Variants in ELF1 observed in about 807,000 individuals in gnomAD.
ELF1 encodes ETS-related transcription factor Elf-1.
ELF1 carries 24 observed loss-of-function variants against 59.9 expected under a neutral mutation model. The ratio of observed to expected loss-of-function variants is 0.40; its 90% CI spans 0.29 to 0.56. The LOEUF (loss-of-function observed/expected upper bound fraction) is 0.56, where lower values mean the gene tolerates loss of function less well. Ranked by LOEUF, ELF1 falls within the 20% of genes least tolerant of loss-of-function variation. ELF1 has a pLI of 0.44. For missense variants in ELF1, 627 were observed against 742.2 expected, an observed-to-expected ratio of 0.84 and a Z score of 1.80; for synonymous variants, 248 against 266.2, an observed-to-expected ratio of 0.93 and a Z score of 0.67.
At chr13:41,043,972 A>G (rs928509872) in intron 1 of ELF1, among the ~76,000 whole-genome samples, 8 of 151,982 alleles carry the variant, frequency 5.3e-5, no homozygotes, top group Non-Finnish European at 1.0e-4. Context: ...CTTTTATTTC[A>G]TTGAGCAGTG....
At chr13:41,040,545 T>G (rs2138419518) in intron 1 of ELF1, among the ~76,000 whole-genome samples, 1 of 152,226 alleles carries the variant, frequency 6.6e-6, no homozygotes, top group East Asian at 1.9e-4. Context: ...AGGATGGTTT[T>G]GGGATGAAAC....
At chr13:41,004,246 T>TA (rs1874622185) in intron 1 of ELF1, among the ~76,000 whole-genome samples, 1 of 151,878 alleles carries the variant, frequency 6.6e-6, no homozygotes, top group South Asian at 2.1e-4. Flanking sequence ...GAGGGGTAAA[T>TA]ACCTGTGAGA....
At chr13:40,987,584 C>CAAAA (rs374604821) in intron 1 of ELF1, among the ~76,000 whole-genome samples, 2 of 68,352 alleles carry the variant, frequency 2.9e-5, no homozygotes, top group East Asian at 3.1e-4. Context: ...GACTCTGTCT[C>CAAAA]AAAAAAAAAA....
At chr13:40,955,955 G>A (rs1871381693) in intron 3 of ELF1, among the ~76,000 whole-genome samples, 2 of 116,966 alleles carry the variant, frequency 1.7e-5, no homozygotes, top group African/African-American at 6.9e-5. Context: ...AGGCGGGGGG[G>A]TCAGCCCCCC....
At chr13:40,965,321 T>C (rs1872107438) in intron 2 of ELF1, among the ~76,000 whole-genome samples, 1 of 152,168 alleles carries the variant, frequency 6.6e-6, no homozygotes, top group South Asian at 2.1e-4. Flanking sequence ...GTTACCTACT[T>C]TTAAGAAATG....
Position 41,026,002 on chromosome 13 carries a change from A to G in ELF1, c.-229+34836T>C, listed in dbSNP as rs150331761. On this transcript the variant is annotated intron_variant, in intron 1 of 1. Transcript: ENST00000405737. ...ATACCTTCACTGTCCTAACTCAGGG[A>G]TATATCAACCCCCTAGACCTATGTT... Among the ~76,000 whole-genome samples the G allele has an allele frequency of 2.8e-3, 428 of 152,326 alleles. 2 individuals carry two copies. The highest frequency in any genetic ancestry group is 9.8e-3 in the African/African-American group (407 of 41,582).
chr13:40,940,985 CCTCT>C lies in ELF1; in HGVS notation c.1188_1191del (p.Gly398LysfsTer13). On this transcript the variant is annotated frameshift_variant, in exon 8 of 9. Coordinates refer to ENST00000239882, the MANE Select transcript of ELF1 (RefSeq NM_172373.4). LOFTEE classifies it high-confidence loss of function. Reference sequence around the variant, plus strand: ...ATGGTACTGGTTCTAGCTGCTTCTCCCTCTGGGACAGCCTGTACTGGCTGTACTA... The same window carrying C: ...ATGGTACTGGTTCTAGCTGCTTCTCCGGGACAGCCTGTACTGGCTGTACTA... 6.2e-7 allele frequency: 1 copy of C among 1,614,150 alleles called. No homozygotes were observed. The highest frequency in any genetic ancestry group is 1.1e-5 in the South Asian group (1 of 91,068).
intron 2 of ELF1, among the ~76,000 whole-genome samples, chr13:40,965,868 A>G (rs1175559803): frequency 6.6e-6 from 1 of 152,206 alleles, no homozygotes; most frequent in African/African-American, 2.4e-5. Flanking sequence ...AAGAATATCA[A>G]TATTTGACCC....
chr13:40,983,505 CAAAAT>C (rs1213432586), intron 1 of ELF1, among the ~76,000 whole-genome samples: 1 of 152,146 alleles, frequency 6.6e-6, no homozygotes, highest in African/African-American at 2.4e-5. Context: ...AGCAAGAACT[CAAAAT>C]AAAATAAGAA....
At chr13:40,934,645 C>T (rs1869645935) in intron 8 of ELF1, among the ~76,000 whole-genome samples, 1 of 151,974 alleles carries the variant, frequency 6.6e-6, no homozygotes, top group Non-Finnish European at 1.5e-5. Flanking sequence ...GTCTCAAAGT[C>T]CTGACCTCAG....
chr13:40,994,735 C>T (rs1874045419), intron 1 of ELF1, among the ~76,000 whole-genome samples: 3 of 152,186 alleles, frequency 2.0e-5, no homozygotes, highest in South Asian at 2.1e-4. Context: ...CATGCTAAAA[C>T]GTCTTTATCA....
chr13:40,951,377 G>A lies in ELF1; in HGVS notation c.313C>T (p.Leu105Phe). The A allele has an allele frequency of 6.2e-7, 1 of 1,613,832 alleles. No individual in the cohort carries two copies. The highest frequency in any genetic ancestry group is 8.5e-7 in the Non-Finnish European group (1 of 1,179,872). ...GGGCCAGGGGAATCCATATTGAGGA[G>A]TGCCTCAGCAGCCTCAATAGTTTCA... is the stretch of plus-strand genomic sequence containing the variant. ...TIETIEAAEA[L>F]LNMDSPGPML... Residue 105 changes from leucine to phenylalanine, a missense_variant, in exon 4 of 9, where the codon CTC becomes TTC. Leu to Phe is a conservative substitution (Grantham distance 22). Around this residue, in one of 3 missense-constraint regions of ELF1, gnomAD observed 232 missense variants for 269.2 expected, o/e 0.86. Coordinates refer to ENST00000239882, the MANE Select transcript of ELF1 (RefSeq NM_172373.4).
intron 3 of ELF1, among the ~76,000 whole-genome samples, chr13:40,952,308 C>G (rs969493195): frequency 1.3e-5 from 2 of 151,566 alleles, no homozygotes; most frequent in Non-Finnish European, 2.9e-5. Context: ...ATTTTGATGA[C>G]AGCTCAAAAT....
chr13:40,974,711 G>A (rs942670710), intron 2 of ELF1, among the ~76,000 whole-genome samples: 1 of 152,102 alleles, frequency 6.6e-6, no homozygotes, highest in Admixed American at 6.5e-5. Flanking sequence ...GATGGCTAGG[G>A]GGCAGTTAAA....
At chr13:41,058,262 T>C (rs967733498) in intron 1 of ELF1, among the ~76,000 whole-genome samples, 3 of 152,212 alleles carry the variant, frequency 2.0e-5, no homozygotes, top group Non-Finnish European at 2.9e-5. Flanking sequence ...TGATCTCCCA[T>C]GGCCCTCCCT....
intron 1 of ELF1, among the ~76,000 whole-genome samples, chr13:41,011,244 T>G (rs151087566): frequency 6.6e-6 from 1 of 152,348 alleles, no homozygotes; most frequent in African/African-American, 2.4e-5. Flanking sequence ...GAGAAGTATT[T>G]GAATGTGGGA....
intron 1 of ELF1, among the ~76,000 whole-genome samples, chr13:41,053,801 C>T (rs1877186987): frequency 6.6e-6 from 1 of 152,164 alleles, no homozygotes; most frequent in Non-Finnish European, 1.5e-5. Context: ...TATGAAACTA[C>T]CAAACTAGTA....
chr13:40,934,096 G>C, intron 8 of ELF1, 68 bp from the exon 9 acceptor site: 1 of 1,521,862 alleles, frequency 6.6e-7, no homozygotes. Context: ...TTTAACACTT[G>C]ACAAGTCATT....
At chr13:40,954,264 T>A (rs985256998) in intron 3 of ELF1, among the ~76,000 whole-genome samples, 2 of 152,194 alleles carry the variant, frequency 1.3e-5, no homozygotes, top group Non-Finnish European at 2.9e-5. Context: ...ATGGCTTGGA[T>A]TTGTCCCCGC....
Sources: allele counts gnomAD v4.1 joint callset (sites outside exome capture counted in the v4.1 genomes callset), GRCh38; gene constraint gnomAD v4.1.1; regional missense constraint gnomAD v4.1.1; transcripts MANE v1.5; gene names NCBI Gene and HGNC (gene_info 2026-07-23, HGNC 2026-07-21).